EYA3: variants seen among roughly 807,000 people sequenced by gnomAD.
EYA3 encodes the protein protein phosphatase EYA3.
In EYA3, 39 loss-of-function variants were observed where a neutral mutation model predicts 80.0. The observed-to-expected ratio is 0.49, with a 90% confidence interval of 0.38 to 0.64. The LOEUF (loss-of-function observed/expected upper bound fraction) is 0.64. Among genes scored for constraint, EYA3 ranks in the 30% least tolerant of loss-of-function variants. The probability of loss-of-function intolerance (pLI) is 0.00; values close to 1 mark genes in which losing one functional copy is unlikely to be tolerated. For missense variants in EYA3, 523 were observed against 676.1 expected (o/e 0.77, Z 2.51); for synonymous variants, 206 against 232.8 (o/e 0.88, Z 1.05).
Position 28,038,454 on chromosome 1 carries a change from A to AAAC in EYA3, c.224+384_224+385insGTT, listed in dbSNP as rs1367956067. Among the ~76,000 whole-genome samples the AAAC allele has an allele frequency of 2.7e-4, 41 of 151,016 alleles. 1 individual carries two copies. Among genetic ancestry groups the AAAC allele is most frequent in the African/African-American group, 9.0e-4 (37 of 41,182 alleles). ...GATTCTATCTTAAAAAAAAAAAAAA[A>AAAC]AAAAAAAAAACCGAACACAGATTGG... On this transcript the variant is annotated intron_variant, in intron 5 of 17. Coordinates refer to ENST00000373871, the MANE Select transcript of EYA3 (RefSeq NM_001990.4).
intron 10 of EYA3, among the ~76,000 whole-genome samples, chr1:28,005,774 A>T (rs919448730): frequency 3.5e-4 from 53 of 151,988 alleles, no homozygotes; most frequent in Admixed American, 3.3e-3. Context: ...AACTAAACAA[A>T]ATAGAGGTAA....
In EYA3 at chr1:28,007,340, T is replaced by TC. The variant is rs200278011; in HGVS notation, c.910-2922_910-2921insG. On this transcript the variant is annotated intron_variant, in intron 10 of 17. Transcript: ENST00000373871. ...AGCTGTATTTCTTTCTTTCTTTCTTTTTTTTTTTTTTTCCGAGACAGTCTT... is the reference window on the plus strand; with the variant it reads ...AGCTGTATTTCTTTCTTTCTTTCTTTCTTTTTTTTTTTTCCGAGACAGTCTT... Among the ~76,000 whole-genome samples the TC allele has an allele frequency of 5.3e-3, 798 of 150,220 alleles. 8 individuals carry two copies. The highest frequency in any genetic ancestry group is 0.018 in the African/African-American group (749 of 40,874).
chr1:28,074,304 C>T (rs1056558576), intron 1 of EYA3, among the ~76,000 whole-genome samples: 2 of 152,096 alleles, frequency 1.3e-5, no homozygotes, highest in Non-Finnish European at 2.9e-5. Flanking sequence ...TACAATTATT[C>T]AGAAGCAATT....
intron 4 of EYA3, among the ~76,000 whole-genome samples, chr1:28,041,589 T>A (rs1370359734): frequency 6.6e-6 from 1 of 151,672 alleles, no homozygotes; most frequent in African/African-American, 2.4e-5. Flanking sequence ...ACAGAATGAA[T>A]AGGATGACAG....
chr1:28,036,946 G>T (rs1643489775), intron 5 of EYA3, among the ~76,000 whole-genome samples: 1 of 152,148 alleles, frequency 6.6e-6, no homozygotes, highest in Non-Finnish European at 1.5e-5. Flanking sequence ...AACTGGGAGA[G>T]AAAGGGTGTT....
chr1:28,004,698 T>C (rs572546819), intron 10 of EYA3, among the ~76,000 whole-genome samples: 2 of 151,632 alleles, frequency 1.3e-5, no homozygotes, highest in South Asian at 2.1e-4. Context: ...TATTACATTT[T>C]ACATATATAT....
intron 11 of EYA3, 109 bp from the exon 12 acceptor site, chr1:28,000,158 A>T: frequency 1.6e-6 from 1 of 607,952 alleles, no homozygotes; most frequent in Non-Finnish European, 2.8e-6. Flanking sequence ...CGAGCTCCCA[A>T]CTGTGCTTCA....
At position 28,038,439 on chromosome 1, in the gene EYA3, T is replaced by TAAAAAAAAAAAAAAAAAA. The variant is rs74525723; in HGVS notation, c.224+382_224+399dup. 1.3e-4 allele frequency among the ~76,000 whole-genome samples: 9 copies of TAAAAAAAAAAAAAAAAAA among 68,502 alleles called. 1 individual carries two copies. The highest frequency in any genetic ancestry group is 5.1e-4 in the African/African-American group (9 of 17,578). 44.9% of individuals were successfully genotyped at this position (68,502 alleles called of 152,430 possible). A position where few individuals can be genotyped will look rare whatever the true frequency, so the allele number is the denominator to read the frequency against. On this transcript the variant is annotated intron_variant, in intron 5 of 17. Transcript: ENST00000373871. ...CAACAAACAGAGTGAGATTCTATCTTAAAAAAAAAAAAAAAAAAAAAAAAA... is the reference window on the plus strand; with the variant it reads ...CAACAAACAGAGTGAGATTCTATCTTAAAAAAAAAAAAAAAAAAAAAAAAAAAAAAAAAAAAAAAAAAA...
chr1:28,070,423 G>A (rs571032060), intron 1 of EYA3, among the ~76,000 whole-genome samples: 2 of 152,084 alleles, frequency 1.3e-5, no homozygotes, highest in African/African-American at 2.4e-5. Flanking sequence ...TTAGCCAGGC[G>A]TGGTGGTGGG....
Position 27,989,700 on chromosome 1 carries a change from G to A in EYA3, c.1415C>T (p.Ser472Phe). ...CCTAAAAGAACCATTTCCATACCTG[G>A]ACTGGATGAGAAGTAAGGACTTTAA... is the stretch of plus-strand genomic sequence containing the variant. ...TALKSLLLIQ[S>F]RKNCVNVLIT... is the part of the protein sequence containing the mutation. The change falls in exon 15 of 18, where the codon TCC (serine) becomes TTC (phenylalanine). Residue 472 changes from serine to phenylalanine, a missense_variant. Coordinates refer to ENST00000373871, the MANE Select transcript of EYA3 (RefSeq NM_001990.4). 3 of 1,596,756 alleles carry A rather than the reference G, an allele frequency of 1.9e-6. No individual in the cohort carries two copies. Among genetic ancestry groups the A allele is most frequent in the Non-Finnish European group, 2.6e-6 (3 of 1,166,454 alleles).
chr1:28,079,714 T>C (rs1485999215), intron 1 of EYA3, among the ~76,000 whole-genome samples: 2 of 152,190 alleles, frequency 1.3e-5, no homozygotes, highest in Non-Finnish European at 2.9e-5. Context: ...TCAATGATTG[T>C]TCTGCAGCTA....
chr1:28,081,786 T>C (rs1466677075), intron 1 of EYA3, among the ~76,000 whole-genome samples: 1 of 152,204 alleles, frequency 6.6e-6, no homozygotes, highest in Non-Finnish European at 1.5e-5. Context: ...TTCTAATGTA[T>C]TCCCGTAGTA....
At chr1:28,073,321 G>C (rs1571958572) in intron 1 of EYA3, among the ~76,000 whole-genome samples, 1 of 125,826 alleles carries the variant, frequency 7.9e-6, no homozygotes, top group East Asian at 2.3e-4. Context: ...TTTTTGAGAT[G>C]ATGTCTTCCT....
chr1:28,055,668 C>A (rs995879198), intron 2 of EYA3, among the ~76,000 whole-genome samples: 4 of 151,680 alleles, frequency 2.6e-5, no homozygotes, highest in African/African-American at 9.7e-5. Flanking sequence ...ATGGGGTCTC[C>A]CCATGTTGGC....
At chr1:28,026,001 C>T (rs984458960) in intron 7 of EYA3, among the ~76,000 whole-genome samples, 7 of 152,302 alleles carry the variant, frequency 4.6e-5, no homozygotes, top group Non-Finnish European at 5.9e-5. Flanking sequence ...TCAGGTGATC[C>T]GCCTGCCTCG....
In EYA3 at chr1:28,063,291, TTATA is replaced by T. The variant is rs751334336; in HGVS notation, c.-68-5201_-68-5198del. ...TATTTACTACACTTTCCAAAGTGCCTTATATATATATATATTTTTTTTTATTTTT... is the reference window on the plus strand; with the variant it reads ...TATTTACTACACTTTCCAAAGTGCCTTATATATATATTTTTTTTTATTTTT... On this transcript the variant is annotated intron_variant, in intron 1 of 17. Transcript: ENST00000373871. 5.2e-3 allele frequency among the ~76,000 whole-genome samples: 705 copies of T among 134,306 alleles called. 5 individuals are homozygous for T. The highest frequency in any genetic ancestry group is 9.3e-3 in the Non-Finnish European group (569 of 61,072). The allele number at this position is 134,306 out of a possible 152,430, so 88.1% of individuals were successfully genotyped here.
At chr1:28,027,985 A>G in intron 6 of EYA3, 59 bp from the exon 7 acceptor site, 1 of 1,570,094 alleles carries the variant, frequency 6.4e-7, no homozygotes, top group Admixed American at 1.7e-5. Context: ...GAGCATGGTT[A>G]TGCTTTCAAA....
intron 2 of EYA3, among the ~76,000 whole-genome samples, chr1:28,055,947 C>A (rs546865187): frequency 4.6e-5 from 7 of 151,840 alleles, no homozygotes; most frequent in African/African-American, 1.7e-4. Context: ...TGGGATGGGA[C>A]CATTCTTTCC....
In EYA3 at chr1:28,053,256, C is replaced by A. The variant is rs149484975; in HGVS notation, c.33+4738G>T. Among the ~76,000 whole-genome samples, 19 of 147,228 alleles carry A rather than the reference C, an allele frequency of 1.3e-4. 1 individual carries two copies. In the East Asian group the frequency reaches 3.8e-3, roughly 30 times the overall value. ...AAACCATTTTAGAATAGACTAAAAA[C>A]TACTGCACTGTATACGCTAAAAGGG... On this transcript the variant is annotated intron_variant, in intron 2 of 17. Coordinates refer to ENST00000373871, the MANE Select transcript of EYA3 (RefSeq NM_001990.4).
Sources: gnomAD v4.1 joint callset for allele counts (sites outside exome capture counted in the v4.1 genomes callset) on GRCh38, gnomAD v4.1.1 for gene constraint, MANE v1.5 for transcripts, NCBI Gene and HGNC (gene_info 2026-07-23, HGNC 2026-07-21) for gene names.